Variants in PCDH9 observed in about 807,000 individuals in gnomAD.
PCDH9 encodes protocadherin 9.
Under a neutral mutation model 70.6 loss-of-function variants are expected in PCDH9, and 24 were observed. That is an observed-to-expected ratio of 0.34 (90% CI 0.25 to 0.48). The LOEUF (loss-of-function observed/expected upper bound fraction) is 0.48, where lower values mean the gene tolerates loss of function less well. Ranked by LOEUF, PCDH9 falls within the 20% of genes least tolerant of loss-of-function variation. PCDH9 has a pLI of 0.99. For missense variants in PCDH9, 1,281 were observed against 1,503.6 expected, an observed-to-expected ratio of 0.85 and a Z score of 2.45; for synonymous variants, 562 against 558.5, an observed-to-expected ratio of 1.01 and a Z score of -0.09.
At chr13:66,442,498 A>G (rs922167554) in intron 4 of PCDH9, among the ~76,000 whole-genome samples, 1 of 152,142 alleles carries the variant, frequency 6.6e-6, no homozygotes, top group Non-Finnish European at 1.5e-5. Flanking sequence ...TTTTCATAGA[A>G]AAAGGATACA....
intron 2 of PCDH9, chr13:66,978,578 C>T (rs2083670119): frequency 6.6e-6 from 1 of 151,290 alleles, no homozygotes; most frequent in Admixed American, 6.6e-5. Context: ...TATAATTATT[C>T]AGACTTCTTT....
In PCDH9 at chr13:66,700,958, A is replaced by G. The variant is rs1461151153; in HGVS notation, c.3139-69547T>C. Among the ~76,000 whole-genome samples the G allele has an allele frequency of 3.9e-5, 5 of 127,860 alleles. 1 individual carries two copies. The highest frequency in any genetic ancestry group is 2.4e-4 in the South Asian group (1 of 4,086). 83.9% of individuals were successfully genotyped at this position (127,860 alleles called of 152,430 possible). On this transcript the variant is annotated intron_variant, in intron 3 of 4. Coordinates refer to ENST00000377865, the MANE Select transcript of PCDH9 (RefSeq NM_203487.3). ...TATATATATATATATATATATATAT[A>G]TATATATATATACTTTTTCACAGGT...
chr13:66,738,344 A>C (rs910054125), intron 3 of PCDH9, among the ~76,000 whole-genome samples: 4 of 151,830 alleles, frequency 2.6e-5, no homozygotes, highest in Non-Finnish European at 5.9e-5. Context: ...CCATCTGTAC[A>C]TCACCATCAT....
chr13:66,916,499 C>G lies in PCDH9; in HGVS notation c.3037-12894G>C, dbSNP rs112926797. 9.6e-3 allele frequency among the ~76,000 whole-genome samples: 1,459 copies of G among 151,504 alleles called. 33 individuals are homozygous for G. Among genetic ancestry groups the G allele is most frequent in the African/African-American group, 0.034 (1,403 of 41,374 alleles). On this transcript the variant is annotated intron_variant, in intron 2 of 4. Transcript: ENST00000377865. ...AATATCTCTTCAGAATCTGTGAGATCAAAAGGGCCAATTGGATATTCTAAA... is the reference window on the plus strand; with the variant it reads ...AATATCTCTTCAGAATCTGTGAGATGAAAAGGGCCAATTGGATATTCTAAA...
At position 66,589,152 on chromosome 13, in the gene PCDH9, C is replaced by T. The variant is rs370366100; in HGVS notation, c.3340+42058G>A. Among the ~76,000 whole-genome samples, 12 of 151,924 alleles carry T rather than the reference C, an allele frequency of 7.9e-5. No individual in the cohort carries two copies. The East Asian group carries it at 2.1e-3, about 27-fold the overall frequency. On this transcript the variant is annotated intron_variant, in intron 4 of 4. Coordinates refer to ENST00000377865, the MANE Select transcript of PCDH9 (RefSeq NM_203487.3). ...TAATTGAAGAGTTACTGTATGTATG[C>T]CTTATAAATAAAATGTTTCCGTACC...
intron 4 of PCDH9, among the ~76,000 whole-genome samples, chr13:66,618,426 A>G (rs1431970531): frequency 6.6e-6 from 1 of 152,208 alleles, no homozygotes; most frequent in African/African-American, 2.4e-5. Flanking sequence ...GGGAGTTTAG[A>G]CAAATTACTA....
intron 3 of PCDH9, among the ~76,000 whole-genome samples, chr13:66,733,511 GAAT>G (rs1365602180): frequency 1.3e-5 from 2 of 152,150 alleles, no homozygotes; most frequent in African/African-American, 4.8e-5. Flanking sequence ...ATAAGCTGTA[GAAT>G]ATACGTTCAT....
At chr13:66,849,517 TAGAGAGAG>T (rs58589562) in intron 3 of PCDH9, among the ~76,000 whole-genome samples, 1 of 63,582 alleles carries the variant, frequency 1.6e-5, no homozygotes, top group Non-Finnish European at 2.6e-5. Context: ...TATATATATA[TAGAGAGAG>T]AGAGAGAGAG....
In PCDH9 at chr13:66,390,033, C is replaced by T. The variant is rs80339924; in HGVS notation, c.3341-85005G>A. Among the ~76,000 whole-genome samples the T allele has an allele frequency of 6.8e-4, 103 of 152,254 alleles. No homozygotes were observed. In the East Asian group the frequency reaches 0.019, roughly 28 times the overall value. On this transcript the variant is annotated intron_variant, in intron 4 of 4. Transcript: ENST00000377865. ...AGAGAGTGAGAGACAAAGACAGAAA[C>T]TGAACAGAGATATCTTCAAGCACAT... is the stretch of plus-strand genomic sequence containing the variant.
intron 2 of PCDH9, among the ~76,000 whole-genome samples, chr13:66,990,618 T>C (rs2083983090): frequency 6.7e-6 from 1 of 149,696 alleles, no homozygotes; most frequent in Non-Finnish European, 1.5e-5. Flanking sequence ...TATAAACACA[T>C]ATATATAAAA....
At chr13:66,306,793 G>C (rs548770500) in intron 4 of PCDH9, among the ~76,000 whole-genome samples, 20 of 151,762 alleles carry the variant, frequency 1.3e-4, no homozygotes, top group Non-Finnish European at 2.7e-4. Context: ...CACTTTTTTG[G>C]ATATTTAATT....
At chr13:66,703,351 C>T (rs899052773) in intron 3 of PCDH9, among the ~76,000 whole-genome samples, 9 of 152,146 alleles carry the variant, frequency 5.9e-5, no homozygotes, top group Non-Finnish European at 1.3e-4. Context: ...TCTGCATTTA[C>T]GTAATGGATT....
At chr13:66,583,378 T>C (rs2076919698) in intron 4 of PCDH9, among the ~76,000 whole-genome samples, 1 of 152,096 alleles carries the variant, frequency 6.6e-6, no homozygotes, top group Non-Finnish European at 1.5e-5. Context: ...TTCAGGAGGC[T>C]GAGGCAGGTG....
intron 2 of PCDH9, among the ~76,000 whole-genome samples, chr13:67,024,186 GA>G (rs2084734070): frequency 6.6e-6 from 1 of 152,104 alleles, no homozygotes; most frequent in Non-Finnish European, 1.5e-5. Flanking sequence ...GAGACAATGG[GA>G]AAACACTTGG....
chr13:67,119,179 TTG>T (rs1346085280), intron 2 of PCDH9, among the ~76,000 whole-genome samples: 1 of 152,176 alleles, frequency 6.6e-6, no homozygotes, highest in Non-Finnish European at 1.5e-5. Context: ...TTTTTTTCTT[TTG>T]GGGTTTGTTT....
chr13:66,395,758 T>G (rs1381029400), intron 4 of PCDH9, among the ~76,000 whole-genome samples: 9 of 152,180 alleles, frequency 5.9e-5, no homozygotes. Context: ...CATTATGCAC[T>G]TGACAGGTAT....
chr13:66,870,619 C>CA (rs1275464731), intron 3 of PCDH9, among the ~76,000 whole-genome samples: 3 of 151,932 alleles, frequency 2.0e-5, no homozygotes, highest in Non-Finnish European at 4.4e-5. Flanking sequence ...TTTATGCAGC[C>CA]AAAAAACACA....
intron 3 of PCDH9, among the ~76,000 whole-genome samples, chr13:66,768,718 T>C (rs563372249): frequency 6.6e-6 from 1 of 152,070 alleles, no homozygotes; most frequent in Non-Finnish European, 1.5e-5. Flanking sequence ...AGAAACCCCA[T>C]GCTGACAAAG....
intron 2 of PCDH9, chr13:67,201,639 T>A (rs564901175): frequency 2.6e-5 from 4 of 152,150 alleles, no homozygotes; most frequent in South Asian, 4.1e-4. Context: ...GCCAATTTTT[T>A]GTGTAATTAA....
Sources: gnomAD v4.1 joint callset for allele counts (sites outside exome capture counted in the v4.1 genomes callset) on GRCh38, gnomAD v4.1.1 for gene constraint, MANE v1.5 for transcripts, NCBI Gene and HGNC (gene_info 2026-07-23, HGNC 2026-07-21) for gene names.